The following ADAMTS9 variants were observed in gnomAD, a reference collection of about 807,000 sequenced individuals.
The protein encoded by ADAMTS9 is ADAM metallopeptidase with thrombospondin type 1 motif 9, also known as A disintegrin and metalloproteinase with thrombospondin motifs 9.
Under a neutral mutation model 257.1 loss-of-function variants are expected in ADAMTS9, and 107 were observed. That is an observed-to-expected ratio of 0.42 (90% CI 0.36 to 0.49). The LOEUF (loss-of-function observed/expected upper bound fraction) is 0.49. Among genes scored for constraint, ADAMTS9 ranks in the 20% least tolerant of loss-of-function variants. ADAMTS9 has a pLI of 0.03. For synonymous variants in ADAMTS9, 982 were observed against 880.9 expected (o/e 1.11, Z -2.03); for missense variants, 2,353 against 2,469.1 (o/e 0.95, Z 1.00).
Position 64,687,596 on chromosome 3 carries a change from C to T in ADAMTS9, c.62G>A (p.Gly21Glu), listed in dbSNP as rs563592258. ...CACGGCCGCCGCGGCGTCTGGGCTC[C>T]CCATCTCGGCCAGGTCCCGCACCAG... ...TLLVRDLAEM[G>E]SPDAAAAVRK... is the part of the protein sequence containing the mutation. The change falls in exon 1 of 40, where the codon GGG becomes GAG. Residue 21 changes from glycine (G) to glutamate (E), a missense_variant. By Grantham distance (98) the Gly-to-Glu change is moderately conservative (BLOSUM62 -2). Around this residue, in one of 3 missense-constraint regions of ADAMTS9, gnomAD observed 591 missense variants for 569.6 expected, o/e 1.04. Coordinates refer to ENST00000498707, the MANE Select transcript of ADAMTS9 (RefSeq NM_182920.2). The surrounding 1 kb of genome is among the most constrained non-coding windows in gnomAD (Gnocchi z 4.4). The T allele has an allele frequency of 1.9e-6, 3 of 1,583,114 alleles. No individual in the cohort carries two copies. The East Asian group carries it at 6.9e-5, about 37-fold the overall frequency.
chr3:64,602,122 T>C lies in ADAMTS9; in HGVS notation c.3839A>G (p.Gln1280Arg). ...DHVIDRSECDQDYIPETDQDC... is the reference protein window; with the variant it reads ...DHVIDRSECDRDYIPETDQDC... The stretch of plus-strand genomic sequence containing the variant: ...CTGGTCAGTTTCTGGGATATAATCC[T>C]GGTCACACTCACTCCGATCGATCAC... Residue 1280 changes from glutamine to arginine, a missense_variant, in exon 26 of 40, where the codon CAG becomes CGG. Around this residue, in one of 3 missense-constraint regions of ADAMTS9, gnomAD observed 1,402 missense variants for 1,441.4 expected, o/e 0.97. Transcript: ENST00000498707. 6.2e-7 allele frequency: 1 copy of C among 1,614,160 alleles called. No individual in the cohort carries two copies. Among genetic ancestry groups the C allele is most frequent in the Non-Finnish European group, 8.5e-7 (1 of 1,179,996 alleles).
intron 3 of ADAMTS9, among the ~76,000 whole-genome samples, chr3:64,675,836 C>T (rs1168350294): frequency 1.3e-5 from 2 of 152,142 alleles, no homozygotes; most frequent in African/African-American, 4.8e-5. Context: ...CCCTACAATG[C>T]TGACCAATGT....
intron 2 of ADAMTS9, chr3:64,685,194 G>A (rs546238352): frequency 4.6e-5 from 7 of 152,454 alleles, no homozygotes; most frequent in African/African-American, 1.7e-4. Flanking sequence ...AATCCCAGCA[G>A]GCTAGAACTA....
In ADAMTS9 at chr3:64,615,457, T is replaced by C; in HGVS notation, c.3053A>G (p.Gln1018Arg). ...ATTGACACAAATAGCCCTTCTCCTC[T>C]GGGTCCCACCGTCACAGCTTTTTGA... Reference protein sequence around the residue: ...ECSKSCDGGTQRRRAICVNTR... With the variant: ...ECSKSCDGGTRRRRAICVNTR... Residue 1018 changes from glutamine to arginine, a missense_variant, in exon 21 of 40, where the codon CAG (glutamine) becomes CGG (arginine). Gln to Arg is a conservative substitution (Grantham distance 43). Transcript: ENST00000498707. The C allele has an allele frequency of 6.2e-7, 1 of 1,613,784 alleles. No individual in the cohort carries two copies. The highest frequency in any genetic ancestry group is 8.5e-7 in the Non-Finnish European group (1 of 1,179,830).
chr3:64,561,546 C>T (rs770813155), intron 30 of ADAMTS9, 32 bp downstream of exon 30: 8 of 1,596,980 alleles, frequency 5.0e-6, no homozygotes, highest in Non-Finnish European at 6.0e-6. Flanking sequence ...ACGTGAAATG[C>T]CTGGCAGGTA....
rs772201252 is a variant in ADAMTS9, at chr3:64,546,908, C to G, written c.4914G>C (p.Ser1638=). The G allele has an allele frequency of 1.2e-6, 2 of 1,613,406 alleles. No homozygotes were observed. Among genetic ancestry groups the G allele is most frequent in the Admixed American group, 1.7e-5 (1 of 59,980 alleles). The part of the protein sequence containing the change: ...CGKGYKQRLV[S]CSEIYTGKEN... ...CCTTCCCGGTGTAAATCTCGCTGCA[C>G]GAGACAAGCCTTTGTTTGTAGCCTT... The change falls in exon 32 of 40, where the codon TCG becomes TCC. Residue 1638 remains serine, a synonymous_variant. Transcript: ENST00000498707.
At chr3:64,581,639 G>C (rs1559775850) in intron 28 of ADAMTS9, among the ~76,000 whole-genome samples, 2 of 152,090 alleles carry the variant, frequency 1.3e-5, no homozygotes, top group Admixed American at 1.3e-4. Context: ...TTACAGTTAG[G>C]CAAAAGTCAA....
chr3:64,673,339 C>T (rs1559822345), intron 3 of ADAMTS9, among the ~76,000 whole-genome samples: 2 of 152,154 alleles, frequency 1.3e-5, no homozygotes, highest in South Asian at 2.1e-4. Context: ...GGGCTTTGCT[C>T]TGGGTACCTG....
intron 29 of ADAMTS9, among the ~76,000 whole-genome samples, chr3:64,563,639 A>C (rs1464229990): frequency 2.0e-5 from 3 of 152,232 alleles, no homozygotes; most frequent in African/African-American, 7.2e-5. Flanking sequence ...ACATTTAAAA[A>C]ATCACTTCCT....
At chr3:64,607,474 A>C (rs997648133) in intron 22 of ADAMTS9, among the ~76,000 whole-genome samples, 2 of 152,194 alleles carry the variant, frequency 1.3e-5, no homozygotes, top group African/African-American at 4.8e-5. Flanking sequence ...AAATAACTGG[A>C]GTTTGCATCA....
intron 19 of ADAMTS9, among the ~76,000 whole-genome samples, chr3:64,616,911 G>A (rs1484367677): frequency 6.6e-6 from 1 of 152,110 alleles, no homozygotes; most frequent in Non-Finnish European, 1.5e-5. Flanking sequence ...CCAATGTCCT[G>A]AGACTACTTC....
At chr3:64,602,381 G>A (rs1442777270) in intron 25 of ADAMTS9, among the ~76,000 whole-genome samples, 168 bp from the exon 26 acceptor site, 1 of 152,116 alleles carries the variant, frequency 6.6e-6, no homozygotes. Context: ...ATCCATTTCA[G>A]TGAGAAATCT....
At chr3:64,606,871 T>C in intron 23 of ADAMTS9, 89 bp downstream of exon 23, 2 of 1,537,362 alleles carry the variant, frequency 1.3e-6, no homozygotes, top group Non-Finnish European at 1.8e-6. Flanking sequence ...TACTTATCTA[T>C]GAAAGGATTT....
chr3:64,678,290 G>C (rs1175283999), intron 3 of ADAMTS9, among the ~76,000 whole-genome samples: 1 of 152,210 alleles, frequency 6.6e-6, no homozygotes, highest in Non-Finnish European at 1.5e-5. Flanking sequence ...TCCAGTTCCA[G>C]TATCCTATCA....
intron 28 of ADAMTS9, among the ~76,000 whole-genome samples, chr3:64,591,932 C>T (rs753173350): frequency 3.3e-5 from 5 of 152,012 alleles, no homozygotes; most frequent in African/African-American, 9.7e-5. Flanking sequence ...TTAGTTTCAC[C>T]GTCAGTTACA....
At chr3:64,520,366 A>C (rs1559743720) in intron 39 of ADAMTS9, among the ~76,000 whole-genome samples, 1 of 152,226 alleles carries the variant, frequency 6.6e-6, no homozygotes, top group Non-Finnish European at 1.5e-5. Flanking sequence ...CATACTGCCC[A>C]AAGAAATACA....
intron 11 of ADAMTS9, among the ~76,000 whole-genome samples, chr3:64,647,647 T>C (rs1298658625): frequency 6.6e-6 from 1 of 152,238 alleles, no homozygotes; most frequent in African/African-American, 2.4e-5. Flanking sequence ...AATGTTCCCA[T>C]AGGCACACTG....
chr3:64,608,511 A>G (rs2084605823), intron 22 of ADAMTS9, among the ~76,000 whole-genome samples: 1 of 152,112 alleles, frequency 6.6e-6, no homozygotes, highest in Non-Finnish European at 1.5e-5. Flanking sequence ...AGTGATGCCA[A>G]TATATTAGAG....
intron 32 of ADAMTS9, 85 bp from the exon 33 acceptor site, chr3:64,542,055 GTCA>G: frequency 1.9e-6 from 3 of 1,561,170 alleles, no homozygotes; most frequent in Non-Finnish European, 2.6e-6. Context: ...GAGCCCTGAT[GTCA>G]TCATGTACAG....
Sources: allele counts gnomAD v4.1 joint callset (sites outside exome capture counted in the v4.1 genomes callset), GRCh38; gene constraint gnomAD v4.1.1; regional missense constraint gnomAD v4.1.1; non-coding constraint Gnocchi (gnomAD v3.1); transcripts MANE v1.5; gene names NCBI Gene and HGNC (gene_info 2026-07-23, HGNC 2026-07-21).